The following EPC1 variants were observed in gnomAD, a reference collection of about 807,000 sequenced individuals.
EPC1 encodes the protein enhancer of polycomb 1.
Under a neutral mutation model 98.4 loss-of-function variants are expected in EPC1, and 12 were observed. The ratio of observed to expected loss-of-function variants is 0.12; its 90% CI spans 0.08 to 0.20. The LOEUF (loss-of-function observed/expected upper bound fraction) is 0.20, where lower values mean the gene tolerates loss of function less well. Ranked by LOEUF, EPC1 falls within the 10% of genes least tolerant of loss-of-function variation. The pLI, the probability that EPC1 is intolerant of heterozygous loss-of-function variation, is 1.00. For missense variants in EPC1, 729 were observed against 990.5 expected, an observed-to-expected ratio of 0.74 and a Z score of 3.54; for synonymous variants, 357 against 363.9, an observed-to-expected ratio of 0.98 and a Z score of 0.21.
intron 1 of EPC1, among the ~76,000 whole-genome samples, chr10:32,314,614 A>T (rs1232508224): frequency 3.9e-5 from 6 of 152,194 alleles, no homozygotes; most frequent in Admixed American, 3.3e-4. Flanking sequence ...ACACCATGAA[A>T]AACATTGCCT....
At chr10:32,293,869 G>T in intron 2 of EPC1, 132 bp from the exon 3 acceptor site, 2 of 831,340 alleles carry the variant, frequency 2.4e-6, no homozygotes, top group East Asian at 2.7e-5. Context: ...TGTTTTCAGA[G>T]TCGCAAACAA....
rs1236835622 is a variant in EPC1, at chr10:32,267,979, G to C, written c.*1084C>G. The stretch of plus-strand genomic sequence containing the variant: ...CGATATTTGTGGTTCTGGCCTTGCA[G>C]CCTTCTGGAGAATCTTAAAAGGAAA... On this transcript the variant is annotated 3_prime_UTR_variant, in exon 14 of 14. Coordinates refer to ENST00000319778, the MANE Select transcript of EPC1 (RefSeq NM_001272004.3). 6.6e-6 allele frequency: 1 copy of C among 152,202 alleles called. No individual in the cohort carries two copies. The highest frequency in any genetic ancestry group is 6.5e-5 in the Admixed American group (1 of 15,272). 9.4% of individuals were successfully genotyped at this position (152,202 alleles called of 1,614,324 possible).
At chr10:32,289,438 G>C (rs1026197319) in intron 6 of EPC1, among the ~76,000 whole-genome samples, 2 of 136,748 alleles carry the variant, frequency 1.5e-5, no homozygotes, top group Non-Finnish European at 3.2e-5. Context: ...AAAAAGTCCA[G>C]GCTGGGGAAA....
intron 1 of EPC1, among the ~76,000 whole-genome samples, chr10:32,346,236 A>G (rs1838792270): frequency 6.6e-6 from 1 of 152,218 alleles, no homozygotes; most frequent in African/African-American, 2.4e-5. Context: ...ACTGAGCCCA[A>G]CAAGCTTCCC....
chr10:32,352,536 A>G (rs1215752763), intron 1 of EPC1, among the ~76,000 whole-genome samples: 1 of 152,144 alleles, frequency 6.6e-6, no homozygotes, highest in Non-Finnish European at 1.5e-5. Flanking sequence ...ATCCAGCTCA[A>G]ATATCACCTC....
chr10:32,305,234 G>A (rs1388062714), intron 2 of EPC1, among the ~76,000 whole-genome samples: 1 of 152,252 alleles, frequency 6.6e-6, no homozygotes, highest in Non-Finnish European at 1.5e-5. Context: ...TATGGCCTAT[G>A]GGCCAATTCT....
chr10:32,269,219 T>C (rs1245193141), intron 13 of EPC1, 84 bp from the exon 14 acceptor site: 19 of 1,198,470 alleles, frequency 1.6e-5, no homozygotes, highest in Non-Finnish European at 1.9e-5. Flanking sequence ...AAAAAGTTTA[T>C]TTTTATTAAC....
intron 1 of EPC1, among the ~76,000 whole-genome samples, chr10:32,330,469 T>A (rs544808844): frequency 9.8e-5 from 15 of 152,312 alleles, no homozygotes; most frequent in African/African-American, 3.4e-4. Flanking sequence ...ATCACAAGTA[T>A]GCCTTTCCAA....
At position 32,305,759 on chromosome 10, in the gene EPC1, A is replaced by T; in HGVS notation, c.313+13T>A. On this transcript the variant is annotated intron_variant, in intron 2 of 13. Coordinates refer to ENST00000319778, the MANE Select transcript of EPC1 (RefSeq NM_001272004.3). ...ATATAGAAAATACAATCATTAAGAG[A>T]ATCATTACTTACGCTGTATGTGAAT... The T allele has an allele frequency of 2.5e-6, 4 of 1,570,516 alleles. No homozygotes were observed. Among genetic ancestry groups the T allele is most frequent in the Non-Finnish European group, 2.6e-6 (3 of 1,163,628 alleles).
chr10:32,269,051 A>C lies in EPC1; in HGVS notation c.*12T>G. On this transcript the variant is annotated 3_prime_UTR_variant, in exon 14 of 14. Coordinates refer to ENST00000319778, the MANE Select transcript of EPC1 (RefSeq NM_001272004.3). The stretch of plus-strand genomic sequence containing the variant: ...AATCAAGTCCCCAGGCTGCAGTTCC[A>C]CTCGGAGGAAGCTACGTCACCTCCA... 3 of 1,612,080 alleles carry C rather than the reference A, an allele frequency of 1.9e-6. No individual in the cohort carries two copies. The highest frequency in any genetic ancestry group is 2.5e-6 in the Non-Finnish European group (3 of 1,178,698).
chr10:32,337,322 C>T (rs1838038010), intron 1 of EPC1, among the ~76,000 whole-genome samples: 1 of 151,902 alleles, frequency 6.6e-6, no homozygotes, highest in African/African-American at 2.4e-5. Context: ...CAGTCTCAGC[C>T]CTATGAGCTT....
intron 1 of EPC1, 69 bp downstream of exon 1, chr10:32,346,694 T>C: frequency 6.7e-7 from 1 of 1,498,558 alleles, no homozygotes. Flanking sequence ...GGTTTGCTGC[T>C]CCGCCGCCGC....
intron 1 of EPC1, among the ~76,000 whole-genome samples, chr10:32,364,892 G>C (rs1022238657): frequency 1.1e-4 from 15 of 138,374 alleles, no homozygotes; most frequent in African/African-American, 3.7e-4. Flanking sequence ...AAAATATTAC[G>C]AGAATTTTTT....
intron 2 of EPC1, among the ~76,000 whole-genome samples, chr10:32,301,148 A>G (rs1178587069): frequency 6.6e-6 from 1 of 152,160 alleles, no homozygotes; most frequent in Non-Finnish European, 1.5e-5. Flanking sequence ...GCAAATGCAT[A>G]TAAAAATATA....
intron 1 of EPC1, among the ~76,000 whole-genome samples, chr10:32,322,604 C>T (rs1041239015): frequency 6.7e-6 from 1 of 149,654 alleles, no homozygotes; most frequent in Non-Finnish European, 1.5e-5. Context: ...GCTGTTGTTA[C>T]ACTTACTTTA....
At chr10:32,345,216 A>C in intron 1 of EPC1, 2 of 985,258 alleles carry the variant, frequency 2.0e-6, no homozygotes, top group Non-Finnish European at 2.4e-6. Context: ...ATTAAGAGGT[A>C]GTGTCTCATG....
In EPC1 at chr10:32,311,228, G is replaced by C. The variant is rs188386396; in HGVS notation, c.154-5297C>G. ...CTAGGGAGGCTGAGGCAGGAGAATG[G>C]CATGAACCCAGGAGGCGGAACTTGC... is the stretch of plus-strand genomic sequence containing the variant. On this transcript the variant is annotated intron_variant, in intron 1 of 13. Transcript: ENST00000319778. Among the ~76,000 whole-genome samples, 235 of 151,996 alleles carry C rather than the reference G, an allele frequency of 1.5e-3. 1 individual carries two copies. The highest frequency in any genetic ancestry group is 5.3e-3 in the African/African-American group (221 of 41,450).
At position 32,287,170 on chromosome 10, in the gene EPC1, T is replaced by C; in HGVS notation, c.1080A>G (p.Ala360=). Residue 360 remains alanine (A), a synonymous_variant, in exon 7 of 14, where the codon GCA becomes GCG. Coordinates refer to ENST00000319778, the MANE Select transcript of EPC1 (RefSeq NM_001272004.3). ...GATCTTTAGCATTGAAGACTGGCAG[T>C]GCAGCAGGACTCGTCTGTTGGGGAG... ...AATPQQTSPA[A]LPVFNAKDLN... 1 of 1,614,196 alleles carries C rather than the reference T, an allele frequency of 6.2e-7. No homozygotes were observed. Among genetic ancestry groups the C allele is most frequent in the Non-Finnish European group, 8.5e-7 (1 of 1,180,032 alleles).
chr10:32,305,010 A>G (rs970259173), intron 2 of EPC1, among the ~76,000 whole-genome samples: 4 of 152,134 alleles, frequency 2.6e-5, no homozygotes, highest in African/African-American at 9.7e-5. Context: ...ATTTTACCTT[A>G]CTAACCTTTC....
Sources: allele counts gnomAD v4.1 joint callset (sites outside exome capture counted in the v4.1 genomes callset), GRCh38; gene constraint gnomAD v4.1.1; transcripts MANE v1.5; gene names NCBI Gene and HGNC (gene_info 2026-07-23, HGNC 2026-07-21).